Variants in ZNF609 observed in about 807,000 individuals in gnomAD.
The protein encoded by ZNF609 is zinc finger protein 609.
In ZNF609, 11 loss-of-function variants were observed where a neutral mutation model predicts 109.5. That is an observed-to-expected ratio of 0.10 (90% CI 0.06 to 0.17). The LOEUF (loss-of-function observed/expected upper bound fraction) is 0.17, where lower values mean the gene tolerates loss of function less well. Ranked by LOEUF, ZNF609 falls within the 10% of genes least tolerant of loss-of-function variation. ZNF609 has a pLI of 1.00. For missense variants in ZNF609, 1,559 were observed against 1,772.4 expected (o/e 0.88, Z 2.16); for synonymous variants, 646 against 662.0 (o/e 0.98, Z 0.37).
chr15:64,674,183 A>G lies in ZNF609; in HGVS notation c.1329A>G (p.Lys443=). Residue 443 remains lysine (K), a synonymous_variant, in exon 5 of 10, where the codon AAA becomes AAG. Transcript: ENST00000326648. ...SPSSANKRKN[K]PLSDMELNSS... ...CCTCAGCTAATAAGCGGAAAAACAA[A>G]CCCCTTTCAGACATGGAGCTGAATT... The G allele has an allele frequency of 1.9e-6, 3 of 1,614,058 alleles. No individual in the cohort carries two copies. The highest frequency in any genetic ancestry group is 2.5e-6 in the Non-Finnish European group (3 of 1,180,010).
intron 2 of ZNF609, among the ~76,000 whole-genome samples, chr15:64,574,928 A>G (rs534504187): frequency 2.0e-5 from 3 of 152,274 alleles, no homozygotes; most frequent in Admixed American, 1.3e-4. Context: ...TTTTTCTAAA[A>G]GCAGCAGCTT....
intron 2 of ZNF609, among the ~76,000 whole-genome samples, chr15:64,595,918 A>G (rs1055410113): frequency 6.6e-6 from 1 of 152,140 alleles, no homozygotes; most frequent in Admixed American, 6.6e-5. Context: ...CCACCATCAT[A>G]GCTCTTATTT....
chr15:64,595,660 G>C (rs1037448540), intron 2 of ZNF609, among the ~76,000 whole-genome samples: 1 of 152,126 alleles, frequency 6.6e-6, no homozygotes, highest in Non-Finnish European at 1.5e-5. Context: ...CTCATGTCTT[G>C]AAGTTTGGAG....
At chr15:64,529,354 C>G (rs1364290078) in intron 2 of ZNF609, 2 of 731,446 alleles carry the variant, frequency 2.7e-6, no homozygotes, top group Non-Finnish European at 5.0e-6. Flanking sequence ...CCAGCCTTCT[C>G]CATGGTGGTG....
rs1343540702 is a variant in ZNF609 at position 64,489,564 on chromosome 15, CTG to C, written c.-127-9727_-127-9726del. On this transcript the variant is annotated intron_variant, in intron 1 of 9. Transcript: ENST00000326648. ...TTTTTTTTTTAGACGGAGTCTCGCT[CTG>C]TCACCCAGGCTGGAGTGCAGAGGCG... Among the ~76,000 whole-genome samples, 8 of 142,690 alleles carry C rather than the reference CTG, an allele frequency of 5.6e-5. No homozygotes were observed. In the East Asian group the frequency reaches 1.7e-3, roughly 30 times the overall value. 93.6% of individuals were successfully genotyped at this position (142,690 alleles called of 152,430 possible).
At chr15:64,555,717 A>G (rs1894570368) in intron 2 of ZNF609, among the ~76,000 whole-genome samples, 1 of 151,852 alleles carries the variant, frequency 6.6e-6, no homozygotes. Context: ...CCCTGTCTCT[A>G]CTAAGAATAC....
At chr15:64,610,917 C>A (rs1023737660) in intron 2 of ZNF609, among the ~76,000 whole-genome samples, 4 of 152,136 alleles carry the variant, frequency 2.6e-5, no homozygotes, top group Non-Finnish European at 4.4e-5. Context: ...TTTAAGACTT[C>A]TGACATCGTG....
chr15:64,557,783 G>A (rs543700003), intron 2 of ZNF609, among the ~76,000 whole-genome samples: 1 of 152,130 alleles, frequency 6.6e-6, no homozygotes, highest in South Asian at 2.1e-4. Flanking sequence ...TGCAAGCTGC[G>A]CCTCCCAGGT....
intron 3 of ZNF609, among the ~76,000 whole-genome samples, chr15:64,642,291 C>T (rs896040192): frequency 3.9e-5 from 6 of 152,084 alleles, no homozygotes; most frequent in African/African-American, 1.4e-4. Context: ...TCAAGCAACC[C>T]TCTCACCTCA....
chr15:64,680,561 T>TTGTGTGTGTG (rs147044397), intron 7 of ZNF609, 85 bp from the exon 8 acceptor site: 32 of 1,133,882 alleles, frequency 2.8e-5, no homozygotes, highest in African/African-American at 2.7e-4. Flanking sequence ...GGCATCTCAC[T>TTGTGTGTGTG]TGTGTGTGTG....
chr15:64,570,003 C>T (rs181227620), intron 2 of ZNF609, among the ~76,000 whole-genome samples: 1 of 152,122 alleles, frequency 6.6e-6, no homozygotes. Flanking sequence ...TACAATATCT[C>T]TATGAGATAG....
chr15:64,570,476 G>A lies in ZNF609; in HGVS notation c.748-52351G>A, dbSNP rs561151. Among the ~76,000 whole-genome samples the A allele has an allele frequency of 6.7e-3, 1,028 of 152,304 alleles. 16 individuals are homozygous for A. Among genetic ancestry groups the A allele is most frequent in the African/African-American group, 0.023 (950 of 41,568 alleles). ...CTAATCAATCAAGATTCTTAAGGAA[G>A]AGTAGCATCATCAATTGTTCATGTA... On this transcript the variant is annotated intron_variant, in intron 2 of 9. Coordinates refer to ENST00000326648, the MANE Select transcript of ZNF609 (RefSeq NM_015042.2).
chr15:64,628,835 G>T (rs1308711544), intron 3 of ZNF609, among the ~76,000 whole-genome samples: 2 of 151,970 alleles, frequency 1.3e-5, no homozygotes, highest in Non-Finnish European at 2.9e-5. Context: ...ATTTCGGTCA[G>T]GCTGGTCTCG....
rs2083227125 is a variant in ZNF609, at chr15:64,684,092, C to G, written c.*2406C>G. 1.3e-5 allele frequency: 2 copies of G among 152,306 alleles called. No individual in the cohort carries two copies. Among genetic ancestry groups the G allele is most frequent in the East Asian group, 1.9e-4 (1 of 5,186 alleles). The allele number at this position is 152,306 out of a possible 1,614,324, so 9.4% of individuals were successfully genotyped here. A position where few individuals can be genotyped will look rare whatever the true frequency, so the allele number is the denominator to read the frequency against. On this transcript the variant is annotated 3_prime_UTR_variant, in exon 10 of 10. Coordinates refer to ENST00000326648, the MANE Select transcript of ZNF609 (RefSeq NM_015042.2). ...AAAGCCACCATGGCAGATCCTGATG[C>G]CTGCCGGGCCTAGTCTTCCCTCTGA...
chr15:64,590,184 G>T lies in ZNF609; in HGVS notation c.748-32643G>T, dbSNP rs77836492. On this transcript the variant is annotated intron_variant, in intron 2 of 9. Coordinates refer to ENST00000326648, the MANE Select transcript of ZNF609 (RefSeq NM_015042.2). Reference sequence around the variant, plus strand: ...AGGAAATCTAGCCTTTTATTGTCCTGGTTTAAGAAGGATTTAAATTGTGCT... The same window carrying T: ...AGGAAATCTAGCCTTTTATTGTCCTTGTTTAAGAAGGATTTAAATTGTGCT... Among the ~76,000 whole-genome samples the T allele has an allele frequency of 8.8e-3, 1,341 of 152,136 alleles. 23 individuals are homozygous for T. The highest frequency in any genetic ancestry group is 0.031 in the African/African-American group (1,282 of 41,496).
intron 1 of ZNF609, among the ~76,000 whole-genome samples, chr15:64,481,645 C>A (rs2140337771): frequency 6.6e-6 from 1 of 151,960 alleles, no homozygotes; most frequent in Middle Eastern, 3.4e-3. Flanking sequence ...GAAGGCATTT[C>A]TAAAATATTG....
chr15:64,576,010 G>C (rs1340443247), intron 2 of ZNF609, among the ~76,000 whole-genome samples: 1 of 152,174 alleles, frequency 6.6e-6, no homozygotes, highest in Non-Finnish European at 1.5e-5. Flanking sequence ...GCTGAGGCAG[G>C]AGAATGGCAC....
At chr15:64,676,370 A>G in intron 5 of ZNF609, 114 bp downstream of exon 5, 3 of 907,868 alleles carry the variant, frequency 3.3e-6, no homozygotes, top group Non-Finnish European at 4.8e-6. Flanking sequence ...AGCAGGAGAG[A>G]TGTATAATTT....
intron 2 of ZNF609, among the ~76,000 whole-genome samples, chr15:64,614,026 C>T (rs535036312): frequency 5.9e-5 from 9 of 151,626 alleles, no homozygotes; most frequent in South Asian, 2.1e-4. Flanking sequence ...CAGGTTCAAG[C>T]GATTCTTGTG....
Sources: allele counts gnomAD v4.1 joint callset (sites outside exome capture counted in the v4.1 genomes callset), GRCh38; gene constraint gnomAD v4.1.1; transcripts MANE v1.5; gene names NCBI Gene and HGNC (gene_info 2026-07-23, HGNC 2026-07-21).